FARS2: variants seen among roughly 807,000 people sequenced by gnomAD.
The protein encoded by FARS2 is phenylalanyl-tRNA synthetase 2, mitochondrial.
FARS2 carries 40 observed loss-of-function variants against 46.4 expected under a neutral mutation model. That is an observed-to-expected ratio of 0.86 (90% CI 0.67 to 1.12). FARS2 has a LOEUF of 1.12. Ranked by LOEUF, FARS2 falls within the 50% of genes most tolerant of loss-of-function variation. The pLI is 0.00. For synonymous variants in FARS2, 234 were observed against 214.9 expected, an observed-to-expected ratio of 1.09 and a Z score of -0.78; for missense variants, 513 against 567.9, an observed-to-expected ratio of 0.90 and a Z score of 0.98.
At chr6:5,709,755 C>A (rs937038686) in intron 6 of FARS2, among the ~76,000 whole-genome samples, 1 of 149,528 alleles carries the variant, frequency 6.7e-6, no homozygotes, top group Non-Finnish European at 1.5e-5. Context: ...TGCGCGCGCG[C>A]GTGTGTGTGT....
At chr6:5,504,652 C>G (rs564252995) in intron 4 of FARS2, among the ~76,000 whole-genome samples, 6 of 152,222 alleles carry the variant, frequency 3.9e-5, no homozygotes, top group Non-Finnish European at 7.4e-5. Flanking sequence ...AACACAAATA[C>G]TTTTAGAGAA....
intron 4 of FARS2, among the ~76,000 whole-genome samples, chr6:5,461,983 T>C (rs1454878901): frequency 6.6e-6 from 1 of 152,204 alleles, no homozygotes; most frequent in African/African-American, 2.4e-5. Context: ...TGATTGACTT[T>C]TAAAGAAACT....
intron 5 of FARS2, among the ~76,000 whole-genome samples, chr6:5,591,497 A>C (rs933072224): frequency 6.6e-6 from 1 of 152,228 alleles, no homozygotes; most frequent in African/African-American, 2.4e-5. Flanking sequence ...CTCTGGCCTG[A>C]ACGCCTCCTC....
At chr6:5,742,825 A>G (rs1761427764) in intron 6 of FARS2, among the ~76,000 whole-genome samples, 2 of 152,148 alleles carry the variant, frequency 1.3e-5, no homozygotes, top group Admixed American at 6.5e-5. Context: ...GCAAAACGAC[A>G]TAGTATTGAA....
At chr6:5,374,559 C>T (rs1328089203) in intron 2 of FARS2, among the ~76,000 whole-genome samples, 1 of 151,918 alleles carries the variant, frequency 6.6e-6, no homozygotes, top group Non-Finnish European at 1.5e-5. Flanking sequence ...CAATCTGTTT[C>T]AGAACATAGA....
At chr6:5,767,743 C>T (rs972501190) in intron 6 of FARS2, among the ~76,000 whole-genome samples, 1 of 152,164 alleles carries the variant, frequency 6.6e-6, no homozygotes, top group Non-Finnish European at 1.5e-5. Context: ...TGCCTCAGAA[C>T]AGTAACGGGT....
At chr6:5,532,185 A>G (rs1161572538) in intron 4 of FARS2, among the ~76,000 whole-genome samples, 1 of 152,260 alleles carries the variant, frequency 6.6e-6, no homozygotes, top group African/African-American at 2.4e-5. Context: ...TAGAAAGCAC[A>G]CAGATGTCAG....
intron 1 of FARS2, among the ~76,000 whole-genome samples, chr6:5,286,533 A>G (rs1415891949): frequency 1.3e-5 from 2 of 152,192 alleles, no homozygotes; most frequent in African/African-American, 4.8e-5. Context: ...TGCTAGGATC[A>G]TAGGTGTGAG....
intron 1 of FARS2, among the ~76,000 whole-genome samples, chr6:5,304,618 C>T (rs6924717): frequency 0.17 from 25,308 of 152,090 alleles, 2,316 homozygotes; most frequent in African/African-American, 0.24. Flanking sequence ...TCTCACAGTA[C>T]ATGAGAAGCT....
In FARS2 at chr6:5,578,750, A is replaced by T. The variant is rs1294796604; in HGVS notation, c.1065+33410A>T. Among the ~76,000 whole-genome samples the T allele has an allele frequency of 5.5e-5, 8 of 146,758 alleles. No homozygotes were observed. In the Admixed American group the frequency reaches 5.5e-4, roughly 10 times the overall value. ...TGTGAACCCAGGAGGCAGAGCTTGCAGTGAGCCCAGATCGTGCCACTGCAC... is the reference window on the plus strand; with the variant it reads ...TGTGAACCCAGGAGGCAGAGCTTGCTGTGAGCCCAGATCGTGCCACTGCAC... On this transcript the variant is annotated intron_variant, in intron 5 of 6. Transcript: ENST00000274680.
At chr6:5,631,434 A>T (rs1776287366) in intron 6 of FARS2, among the ~76,000 whole-genome samples, 1 of 152,240 alleles carries the variant, frequency 6.6e-6, no homozygotes, top group Non-Finnish European at 1.5e-5. Flanking sequence ...GATATTCAAG[A>T]TTGAAAAATC....
At chr6:5,419,245 T>C (rs931293938) in intron 3 of FARS2, among the ~76,000 whole-genome samples, 2 of 152,232 alleles carry the variant, frequency 1.3e-5, no homozygotes, top group African/African-American at 4.8e-5. Context: ...AGAATTTTTA[T>C]GAATTTTATT....
chr6:5,527,599 A>G (rs1769551259), intron 4 of FARS2, among the ~76,000 whole-genome samples: 1 of 152,254 alleles, frequency 6.6e-6, no homozygotes, highest in Non-Finnish European at 1.5e-5. Flanking sequence ...TGAAGAATGC[A>G]CATTAAGTTG....
chr6:5,567,152 T>G (rs1772370521), intron 5 of FARS2, among the ~76,000 whole-genome samples: 1 of 152,226 alleles, frequency 6.6e-6, no homozygotes, highest in African/African-American at 2.4e-5. Flanking sequence ...GTGTTCCAGT[T>G]TCTCCACATC....
chr6:5,474,152 G>A (rs1003706877), intron 4 of FARS2, among the ~76,000 whole-genome samples: 7 of 152,234 alleles, frequency 4.6e-5, no homozygotes, highest in Non-Finnish European at 8.8e-5. Context: ...TCACATTTCC[G>A]TTATCTCCAA....
chr6:5,356,403 A>G (rs531411305), intron 1 of FARS2, among the ~76,000 whole-genome samples: 1 of 152,300 alleles, frequency 6.6e-6, no homozygotes, highest in Admixed American at 6.5e-5. Flanking sequence ...GTGAGCTGAG[A>G]TGGCACCATT....
chr6:5,285,823 G>A (rs1014403610), intron 1 of FARS2, among the ~76,000 whole-genome samples: 6 of 152,214 alleles, frequency 3.9e-5, no homozygotes, highest in Admixed American at 2.0e-4. Context: ...GAGGCCTCGC[G>A]GCATTCCCTG....
chr6:5,288,271 A>ACTT (rs35452806), intron 1 of FARS2, among the ~76,000 whole-genome samples: 1 of 152,030 alleles, frequency 6.6e-6, no homozygotes, highest in Non-Finnish European at 1.5e-5. Flanking sequence ...GCTTGAAGTG[A>ACTT]CTTCTTCTTC....
chr6:5,260,788 C>A (rs922463099), upstream of FARS2: 1 of 1,534,988 alleles, frequency 6.5e-7, no homozygotes, highest in Admixed American at 2.0e-5. Context: ...CAAGTACGAC[C>A]CAACCCACGA....
Sources: allele counts gnomAD v4.1 joint callset (sites outside exome capture counted in the v4.1 genomes callset), GRCh38; gene constraint gnomAD v4.1.1; transcripts MANE v1.5; gene names NCBI Gene and HGNC (gene_info 2026-07-23, HGNC 2026-07-21).